Variants in TNFRSF11A observed in about 807,000 individuals in gnomAD.
TNFRSF11A encodes the protein tumor necrosis factor receptor superfamily member 11A.
A neutral mutation model predicts 55.7 loss-of-function variants in TNFRSF11A; 32 were observed. The ratio of observed to expected loss-of-function variants is 0.57; its 90% CI spans 0.43 to 0.77. The LOEUF is 0.77. Ranked by LOEUF, TNFRSF11A falls within the 30% of genes least tolerant of loss-of-function variation. TNFRSF11A has a pLI of 0.00. For synonymous variants in TNFRSF11A, 311 were observed against 331.0 expected (o/e 0.94, Z 0.65); for missense variants, 753 against 809.8 (o/e 0.93, Z 0.85).
At chr18:62,366,831 A>C in intron 8 of TNFRSF11A, 71 bp downstream of exon 8, 1 of 1,470,926 alleles carries the variant, frequency 6.8e-7, no homozygotes, top group Non-Finnish European at 9.5e-7. Context: ...CATCCTAGTC[A>C]CATATTGAGC....
chr18:62,367,968 A>G (rs1019345640), intron 8 of TNFRSF11A, among the ~76,000 whole-genome samples: 2 of 151,626 alleles, frequency 1.3e-5, no homozygotes, highest in South Asian at 2.1e-4. Flanking sequence ...TAATTTTTGT[A>G]TTTTTAGTAG....
intron 1 of TNFRSF11A, chr18:62,331,047 T>TA (rs1370675739): frequency 6.6e-6 from 1 of 151,760 alleles, no homozygotes; most frequent in Non-Finnish European, 1.5e-5. Flanking sequence ...CTACTAAAAA[T>TA]AAAAAAATTA....
chr18:62,339,434 C>T (rs1052532389), intron 1 of TNFRSF11A, among the ~76,000 whole-genome samples: 1 of 152,204 alleles, frequency 6.6e-6, no homozygotes, highest in African/African-American at 2.4e-5. Flanking sequence ...GGACACCAGT[C>T]TGAGGCCAGG....
intron 4 of TNFRSF11A, 97 bp from the exon 5 acceptor site, chr18:62,358,151 T>G: frequency 8.4e-7 from 1 of 1,190,258 alleles, no homozygotes; most frequent in Non-Finnish European, 1.2e-6. Context: ...GCGCCTCACC[T>G]CCAGTCCTCT....
Position 62,348,183 on chromosome 18 carries a change from G to A in TNFRSF11A, c.91G>A (p.Ala31Thr), listed in dbSNP as rs765830728. The change falls in exon 2 of 10, where the codon GCT (alanine) becomes ACT (threonine). Residue 31 changes from alanine (A) to threonine (T), a missense_variant. Physicochemically the swap from Ala to Thr is moderately conservative, Grantham distance 58 (BLOSUM62 0). Coordinates refer to ENST00000586569, the MANE Select transcript of TNFRSF11A (RefSeq NM_003839.4). Reference protein sequence around the residue: ...LARLQVALQIAPPCTSEKHYE... With the variant: ...LARLQVALQITPPCTSEKHYE... The stretch of plus-strand genomic sequence containing the variant: ...TTCTTTTCAGGTGGCTTTGCAGATC[G>A]CTCCTCCATGTACCAGTGAGAAGCA... The A allele has an allele frequency of 5.0e-6, 8 of 1,613,738 alleles. No individual in the cohort carries two copies. The highest frequency in any genetic ancestry group is 2.7e-5 in the African/African-American group (2 of 74,812).
intron 1 of TNFRSF11A, among the ~76,000 whole-genome samples, chr18:62,342,401 C>CAAAAAAAAAA (rs371734407): frequency 0.018 from 1,101 of 62,150 alleles, 80 homozygotes; most frequent in African/African-American, 0.027. Context: ...GATTCTGTCT[C>CAAAAAAAAAA]AAAAAAAAAA....
intron 7 of TNFRSF11A, 93 bp from the exon 8 acceptor site, chr18:62,366,615 G>T (rs779952840): frequency 1.5e-6 from 2 of 1,331,328 alleles, no homozygotes; most frequent in Admixed American, 3.4e-5. Flanking sequence ...ATAACATGTT[G>T]TATACCTTAA....
chr18:62,352,857 TGG>T, intron 3 of TNFRSF11A, among the ~76,000 whole-genome samples: 1 of 152,208 alleles, frequency 6.6e-6, no homozygotes, highest in Admixed American at 6.5e-5. Context: ...CCCTCCCTAC[TGG>T]CTGTAACTTG....
chr18:62,345,262 G>A (rs1189711950), intron 1 of TNFRSF11A, among the ~76,000 whole-genome samples: 1 of 152,134 alleles, frequency 6.6e-6, no homozygotes, highest in African/African-American at 2.4e-5. Context: ...AAAGGAAGAG[G>A]AAAAGGGGCA....
chr18:62,362,256 C>G (rs1260404193), intron 7 of TNFRSF11A, among the ~76,000 whole-genome samples: 1 of 151,804 alleles, frequency 6.6e-6, no homozygotes, highest in African/African-American at 2.4e-5. Flanking sequence ...TTTGAGAGGC[C>G]GAGGCAGGTG....
At chr18:62,366,929 A>G (rs1600402781) in intron 8 of TNFRSF11A, among the ~76,000 whole-genome samples, 169 bp downstream of exon 8, 1 of 151,016 alleles carries the variant, frequency 6.6e-6, no homozygotes, top group African/African-American at 2.4e-5. Flanking sequence ...GCTCACTGCA[A>G]CCTCCACCTC....
At chr18:62,329,736 A>T (rs1184686928) in intron 1 of TNFRSF11A, among the ~76,000 whole-genome samples, 1 of 152,104 alleles carries the variant, frequency 6.6e-6, no homozygotes, top group East Asian at 1.9e-4. Flanking sequence ...CCTGATTCTG[A>T]GAGACACTCT....
rs558844289 is a variant in TNFRSF11A, at chr18:62,325,949, G to A, written c.75+522G>A. On this transcript the variant is annotated intron_variant, in intron 1 of 9. Coordinates refer to ENST00000586569, the MANE Select transcript of TNFRSF11A (RefSeq NM_003839.4). The surrounding 1 kb of genome is among the most constrained non-coding windows in gnomAD (Gnocchi z 4.7). ...CCTTCGGGGACACCCCTGCCAGCTC[G>A]CCTGGAGGCCCCGCACGGCGGGGAG... Among the ~76,000 whole-genome samples the A allele has an allele frequency of 6.6e-6, 1 of 152,312 alleles. No individual in the cohort carries two copies. The highest frequency in any genetic ancestry group is 1.9e-4 in the East Asian group (1 of 5,154).
chr18:62,361,064 C>A (rs1032766913), intron 6 of TNFRSF11A, among the ~76,000 whole-genome samples: 1 of 151,962 alleles, frequency 6.6e-6, no homozygotes, highest in African/African-American at 2.4e-5. Context: ...TTAAATATAA[C>A]TGAAGGAATA....
At chr18:62,360,190 A>G in intron 6 of TNFRSF11A, 141 bp downstream of exon 6, 1 of 696,746 alleles carries the variant, frequency 1.4e-6, no homozygotes, top group Non-Finnish European at 2.6e-6. Flanking sequence ...TGAATATTTC[A>G]TTCTCATCAG....
chr18:62,359,380 A>C (rs1909499809), intron 5 of TNFRSF11A, among the ~76,000 whole-genome samples: 1 of 150,762 alleles, frequency 6.6e-6, no homozygotes, highest in Admixed American at 6.6e-5. Flanking sequence ...CTATTGGAAT[A>C]TGCATTTTTT....
At chr18:62,351,387 T>C (rs2046469991) in intron 3 of TNFRSF11A, among the ~76,000 whole-genome samples, 1 of 152,232 alleles carries the variant, frequency 6.6e-6, no homozygotes, top group African/African-American at 2.4e-5. Flanking sequence ...TTCTGCTTTG[T>C]TTTTTGTTTT....
intron 9 of TNFRSF11A, among the ~76,000 whole-genome samples, chr18:62,370,762 T>C (rs1401524202): frequency 1.3e-5 from 2 of 152,228 alleles, no homozygotes; most frequent in African/African-American, 4.8e-5. Flanking sequence ...TTTTTTAAGA[T>C]TGTAAGGAAT....
rs1428772825 is a variant in TNFRSF11A, at chr18:62,369,368, C to T, written c.1451C>T (p.Ala484Val). The T allele has an allele frequency of 1.2e-6, 2 of 1,610,108 alleles. No homozygotes were observed. The highest frequency in any genetic ancestry group is 1.7e-5 in the Admixed American group (1 of 59,856). The change falls in exon 9 of 10, where the codon GCC (alanine) becomes GTC (valine). Residue 484 changes from alanine to valine, a missense_variant. Ala to Val is a moderately conservative substitution (Grantham distance 64). Transcript: ENST00000586569. ...ATGGGCCTTCCCCCTGAAGAAGAAGCCAGCAGGACGGAGGCCAGAGACCAG... is the reference window on the plus strand; with the variant it reads ...ATGGGCCTTCCCCCTGAAGAAGAAGTCAGCAGGACGGAGGCCAGAGACCAG... ...YGMGLPPEEEASRTEARDQPE... is the reference protein window; with the variant it reads ...YGMGLPPEEEVSRTEARDQPE...
Sources: allele counts gnomAD v4.1 joint callset (sites outside exome capture counted in the v4.1 genomes callset), GRCh38; gene constraint gnomAD v4.1.1; non-coding constraint Gnocchi (gnomAD v3.1); transcripts MANE v1.5; gene names NCBI Gene and HGNC (gene_info 2026-07-23, HGNC 2026-07-21).